Variants in LNPK observed in about 807,000 individuals in gnomAD.
LNPK encodes lunapark, ER junction formation factor, also known as endoplasmic reticulum junction formation protein lunapark.
A neutral mutation model predicts 55.2 loss-of-function variants in LNPK; 29 were observed. That is an observed-to-expected ratio of 0.53 (90% confidence interval 0.39 to 0.72). LNPK has a LOEUF of 0.72. Among genes scored for constraint, LNPK ranks in the 30% least tolerant of loss-of-function variants. LNPK has a pLI of 0.00. For synonymous variants in LNPK, 162 were observed against 168.2 expected (o/e 0.96, Z 0.29); for missense variants, 467 against 494.8 (o/e 0.94, Z 0.53).
intron 1 of LNPK, 32 bp from the exon 2 acceptor site, chr2:175,995,678 G>A (rs1380405630): frequency 9.4e-7 from 1 of 1,064,164 alleles, no homozygotes. Flanking sequence ...AAAATGTTAA[G>A]TTAAACACAC....
chr2:175,951,606 T>C (rs965896841), intron 8 of LNPK, among the ~76,000 whole-genome samples: 2 of 142,102 alleles, frequency 1.4e-5, no homozygotes, highest in East Asian at 2.0e-4. Flanking sequence ...TATATATATA[T>C]ATATCTCAGT....
chr2:175,939,542 TA>T lies in LNPK; in HGVS notation c.812+9del. 1 of 1,415,014 alleles carries T rather than the reference TA, an allele frequency of 7.1e-7. No individual in the cohort carries two copies. The highest frequency in any genetic ancestry group is 1.0e-6 in the Non-Finnish European group (1 of 1,001,718). The allele number at this position is 1,415,014 out of a possible 1,614,324, so 87.7% of individuals were successfully genotyped here. A position where few individuals can be genotyped will look rare whatever the true frequency, so the allele number is the denominator to read the frequency against. On this transcript the variant is annotated intron_variant, in intron 10 of 12. Coordinates refer to ENST00000272748, the MANE Select transcript of LNPK (RefSeq NM_030650.3). ...CATTTTCATTTATCTACCACCTTAG[TA>T]AATATTACCTGTTTTGTGGACCATC...
At chr2:175,932,783 C>T (rs1023769056) in intron 12 of LNPK, among the ~76,000 whole-genome samples, 1 of 152,044 alleles carries the variant, frequency 6.6e-6, no homozygotes, top group African/African-American at 2.4e-5. Context: ...TTTATGGAAG[C>T]ACATCATTTG....
At chr2:175,958,418 A>G (rs1362145892) in intron 8 of LNPK, among the ~76,000 whole-genome samples, 1 of 152,220 alleles carries the variant, frequency 6.6e-6, no homozygotes, top group Non-Finnish European at 1.5e-5. Flanking sequence ...GGTGATACCC[A>G]GGCAAACAGG....
Position 175,925,249 on chromosome 2 carries a change from G to A in LNPK, c.*4718C>T, listed in dbSNP as rs1683958068. ...TCTAATGCATAAAATGAGTTTGTAT[G>A]AGAAATAGCAACTTCAAGAATAAAA... On this transcript the variant is annotated 3_prime_UTR_variant, in exon 13 of 13. Transcript: ENST00000272748. 6.6e-6 allele frequency: 1 copy of A among 152,074 alleles called. No individual in the cohort carries two copies. The highest frequency in any genetic ancestry group is 2.1e-4 in the South Asian group (1 of 4,822). 9.4% of individuals were successfully genotyped at this position (152,074 alleles called of 1,614,324 possible).
intron 4 of LNPK, among the ~76,000 whole-genome samples, chr2:175,988,442 G>A (rs1687530981): frequency 6.7e-6 from 1 of 149,692 alleles, no homozygotes; most frequent in East Asian, 2.0e-4. Flanking sequence ...AGCCTGGGAG[G>A]CAGAGGATGC....
At chr2:175,937,259 C>A in intron 12 of LNPK, 85 bp downstream of exon 12, 8 of 1,281,726 alleles carry the variant, frequency 6.2e-6, no homozygotes, top group Non-Finnish European at 8.7e-6. Flanking sequence ...ATAAATTAAT[C>A]CATCTTTATC....
chr2:175,930,266 A>G, intron 12 of LNPK, 67 bp from the exon 13 acceptor site: 1 of 1,063,338 alleles, frequency 9.4e-7, no homozygotes, highest in Non-Finnish European at 1.4e-6. Flanking sequence ...AAGGCAAGCA[A>G]AAAAGATAAA....
chr2:175,947,410 A>C, intron 9 of LNPK, 70 bp downstream of exon 9: 2 of 1,329,302 alleles, frequency 1.5e-6, no homozygotes, highest in Non-Finnish European at 2.1e-6. Context: ...TACCACCTGA[A>C]AATGGCCCGT....
At chr2:175,990,532 C>A (rs1302304852) in intron 4 of LNPK, among the ~76,000 whole-genome samples, 2 of 152,164 alleles carry the variant, frequency 1.3e-5, no homozygotes, top group African/African-American at 4.8e-5. Context: ...ACTAAACAGA[C>A]TAAGACACTG....
chr2:175,993,615 C>T (rs950281512), intron 2 of LNPK, among the ~76,000 whole-genome samples: 9 of 151,860 alleles, frequency 5.9e-5, no homozygotes, highest in Non-Finnish European at 8.8e-5. Context: ...AGACCAGCTT[C>T]GCCAACTGGT....
chr2:175,945,656 C>T (rs552794184), intron 9 of LNPK, among the ~76,000 whole-genome samples: 1 of 152,040 alleles, frequency 6.6e-6, no homozygotes, highest in South Asian at 2.1e-4. Flanking sequence ...ATAAGCAAGC[C>T]AAATTAGATT....
chr2:176,000,934 A>G (rs189960107), intron 1 of LNPK, among the ~76,000 whole-genome samples: 26 of 152,262 alleles, frequency 1.7e-4, no homozygotes, highest in Admixed American at 1.4e-3. Context: ...TTTTCATCTG[A>G]ACTAAATACC....
At chr2:175,994,363 C>T (rs1197346852) in intron 2 of LNPK, 9 of 979,868 alleles carry the variant, frequency 9.2e-6, no homozygotes, top group Non-Finnish European at 9.7e-6. Flanking sequence ...CAATATAATG[C>T]TGATCCAAAA....
At chr2:175,972,049 G>A (rs1686687638) in intron 5 of LNPK, among the ~76,000 whole-genome samples, 1 of 152,000 alleles carries the variant, frequency 6.6e-6, no homozygotes, top group African/African-American at 2.4e-5. Flanking sequence ...CTCCCAAGCT[G>A]GAATTACAGG....
At chr2:175,980,578 A>G (rs1687123579) in intron 4 of LNPK, among the ~76,000 whole-genome samples, 1 of 152,216 alleles carries the variant, frequency 6.6e-6, no homozygotes, top group Non-Finnish European at 1.5e-5. Flanking sequence ...ATGTAAACAT[A>G]GCAAAATACC....
intron 2 of LNPK, 131 bp downstream of exon 2, chr2:175,995,427 A>G: frequency 1.7e-6 from 1 of 583,774 alleles, no homozygotes; most frequent in Non-Finnish European, 2.9e-6. Flanking sequence ...GTAATTCAAA[A>G]GAGAAGAAAA....
At chr2:175,943,498 T>C (rs970639763) in intron 9 of LNPK, among the ~76,000 whole-genome samples, 4 of 151,980 alleles carry the variant, frequency 2.6e-5, no homozygotes, top group African/African-American at 9.7e-5. Context: ...CTAATGAGTA[T>C]TGATATAAAC....
intron 11 of LNPK, among the ~76,000 whole-genome samples, chr2:175,938,097 G>A (rs1385574453): frequency 1.3e-5 from 2 of 152,062 alleles, no homozygotes; most frequent in African/African-American, 2.4e-5. Context: ...GATGCACAGT[G>A]GGGTTTGAGA....
Sources: gnomAD v4.1 joint callset for allele counts (sites outside exome capture counted in the v4.1 genomes callset) on GRCh38, gnomAD v4.1.1 for gene constraint, MANE v1.5 for transcripts, NCBI Gene and HGNC (gene_info 2026-07-23, HGNC 2026-07-21) for gene names.